Variants in CDC5L observed in about 807,000 individuals in gnomAD.
The protein encoded by CDC5L is cell division cycle 5 like.
Under a neutral mutation model 104.1 loss-of-function variants are expected in CDC5L, and 18 were observed. The ratio of observed to expected loss-of-function variants is 0.17; its 90% CI spans 0.12 to 0.26. CDC5L has a LOEUF of 0.26. Among genes scored for constraint, CDC5L ranks in the 10% least tolerant of loss-of-function variants. CDC5L has a pLI of 1.00. For missense variants in CDC5L, 673 were observed against 956.9 expected (o/e 0.70, Z 3.91); for synonymous variants, 331 against 322.7 (o/e 1.03, Z -0.28).
intron 1 of CDC5L, 41 bp from the exon 2 acceptor site, chr6:44,390,227 G>A (rs1481448775): frequency 7.7e-7 from 1 of 1,293,714 alleles, no homozygotes; most frequent in Non-Finnish European, 1.1e-6. Flanking sequence ...TTCCCACTTG[G>A]AGTTTTGTGA....
At chr6:44,403,453 G>A (rs891625184) in intron 5 of CDC5L, among the ~76,000 whole-genome samples, 2 of 151,744 alleles carry the variant, frequency 1.3e-5, no homozygotes, top group African/African-American at 4.8e-5. Flanking sequence ...ACAGTTAGAA[G>A]TTTTATATCT....
intron 14 of CDC5L, among the ~76,000 whole-genome samples, chr6:44,430,396 T>C (rs1458959830): frequency 6.7e-6 from 1 of 149,984 alleles, no homozygotes; most frequent in Non-Finnish European, 1.5e-5. Flanking sequence ...CTGGATTATC[T>C]AGTTAGTGGC....
At chr6:44,413,968 A>C (rs1381679423) in intron 8 of CDC5L, among the ~76,000 whole-genome samples, 3 of 152,222 alleles carry the variant, frequency 2.0e-5, no homozygotes, top group Non-Finnish European at 4.4e-5. Context: ...TTTTGATTAT[A>C]GCCATCTTGT....
At chr6:44,436,724 C>T (rs1487658541) in intron 14 of CDC5L, among the ~76,000 whole-genome samples, 1 of 152,156 alleles carries the variant, frequency 6.6e-6, no homozygotes, top group Non-Finnish European at 1.5e-5. Context: ...ATCCCCCCTT[C>T]CACTATTATT....
rs183638485 is a variant in CDC5L at position 44,415,522 on chromosome 6, G to A, written c.1093-3927G>A. 1.1e-4 allele frequency among the ~76,000 whole-genome samples: 16 copies of A among 152,184 alleles called. No homozygotes were observed. The South Asian group carries it at 1.5e-3, about 14-fold the overall frequency. ...TGGCACTCCCTGGTGTCAGGGACCT[G>A]GGCACCTGCTTTTTTGTCCTCCCCC... On this transcript the variant is annotated intron_variant, in intron 8 of 15. Coordinates refer to ENST00000371477, the MANE Select transcript of CDC5L (RefSeq NM_001253.4).
At chr6:44,397,467 CCCAA>C (rs1305852150) in intron 5 of CDC5L, among the ~76,000 whole-genome samples, 1 of 151,842 alleles carries the variant, frequency 6.6e-6, no homozygotes, top group Non-Finnish European at 1.5e-5. Flanking sequence ...ATTTTTTTCC[CCCAA>C]CCATTTCAGA....
chr6:44,442,774 C>T (rs1793263275), intron 14 of CDC5L, among the ~76,000 whole-genome samples: 1 of 152,026 alleles, frequency 6.6e-6, no homozygotes, highest in African/African-American at 2.4e-5. Flanking sequence ...ATGTATATAC[C>T]ATGCCCTGGC....
intron 8 of CDC5L, among the ~76,000 whole-genome samples, chr6:44,414,080 TTTG>T (rs1312023853): frequency 1.3e-5 from 2 of 152,124 alleles, no homozygotes; most frequent in Non-Finnish European, 2.9e-5. Flanking sequence ...TTTTTATATC[TTTG>T]TTGTTGTTGT....
At chr6:44,394,977 G>T (rs1425383142) in intron 4 of CDC5L, among the ~76,000 whole-genome samples, 1 of 151,128 alleles carries the variant, frequency 6.6e-6, no homozygotes, top group Non-Finnish European at 1.5e-5. Context: ...AACATGGATG[G>T]CAGTAGAAGT....
At chr6:44,388,675 CT>C (rs975766196) in intron 1 of CDC5L, among the ~76,000 whole-genome samples, 6,236 of 130,996 alleles carry the variant, frequency 0.048, 242 homozygotes, top group African/African-American at 0.12. Flanking sequence ...TTTATGGCTT[CT>C]TTTTTTTTTT....
chr6:44,401,132 T>C (rs1791103909), intron 5 of CDC5L, among the ~76,000 whole-genome samples: 1 of 152,206 alleles, frequency 6.6e-6, no homozygotes, highest in Non-Finnish European at 1.5e-5. Flanking sequence ...CTATACTCTG[T>C]TGCAATGAAG....
chr6:44,389,048 C>T (rs565865258), intron 1 of CDC5L, among the ~76,000 whole-genome samples: 1 of 152,280 alleles, frequency 6.6e-6, no homozygotes, highest in Non-Finnish European at 1.5e-5. Flanking sequence ...CCTCACCAGA[C>T]AGCATGGCGA....
At chr6:44,395,349 A>T (rs1453822281) in intron 4 of CDC5L, among the ~76,000 whole-genome samples, 1 of 152,224 alleles carries the variant, frequency 6.6e-6, no homozygotes, top group Non-Finnish European at 1.5e-5. Flanking sequence ...AAACTCTCAC[A>T]TGTACCCTAT....
At chr6:44,392,527 C>T (rs1790669649) in intron 2 of CDC5L, 140 bp from the exon 3 acceptor site, 1 of 677,138 alleles carries the variant, frequency 1.5e-6, no homozygotes, top group Non-Finnish European at 2.5e-6. Flanking sequence ...GTAAGTGTAA[C>T]CACACAGCAA....
chr6:44,425,877 G>T (rs1382078655), intron 11 of CDC5L, among the ~76,000 whole-genome samples: 1 of 151,840 alleles, frequency 6.6e-6, no homozygotes, highest in African/African-American at 2.4e-5. Context: ...TGCAAGTTTG[G>T]AGAATGCTCT....
At chr6:44,408,317 G>A in intron 7 of CDC5L, 127 bp from the exon 8 acceptor site, 2 of 541,686 alleles carry the variant, frequency 3.7e-6, no homozygotes, top group Non-Finnish European at 6.4e-6. Flanking sequence ...GCCCAGGTAG[G>A]TCCCGAACTC....
chr6:44,387,986 C>T, intron 1 of CDC5L, 118 bp downstream of exon 1: 2 of 907,284 alleles, frequency 2.2e-6, no homozygotes, highest in Non-Finnish European at 3.4e-6. Flanking sequence ...GGAGGGCAGC[C>T]CGGGGGCTGA....
intron 5 of CDC5L, among the ~76,000 whole-genome samples, chr6:44,399,029 C>G: frequency 6.6e-6 from 1 of 152,242 alleles, no homozygotes; most frequent in Non-Finnish European, 1.5e-5. Context: ...GCAGAGTTCA[C>G]TGCAGCCCTG....
At chr6:44,420,404 G>A (rs981224780) in intron 9 of CDC5L, among the ~76,000 whole-genome samples, 6 of 151,484 alleles carry the variant, frequency 4.0e-5, no homozygotes, top group Non-Finnish European at 8.8e-5. Context: ...TCTTGCCCAG[G>A]CTGGAGTGCA....
Sources: gnomAD v4.1 joint callset for allele counts (sites outside exome capture counted in the v4.1 genomes callset) on GRCh38, gnomAD v4.1.1 for gene constraint, MANE v1.5 for transcripts, NCBI Gene and HGNC (gene_info 2026-07-23, HGNC 2026-07-21) for gene names.